Variants in UST observed in about 807,000 individuals in gnomAD.
UST encodes the protein uronyl 2-sulfotransferase.
In UST, 21 loss-of-function variants were observed where a neutral mutation model predicts 45.6. The ratio of observed to expected loss-of-function variants is 0.46; its 90% confidence interval spans 0.33 to 0.66. The LOEUF (loss-of-function observed/expected upper bound fraction) is 0.66, where lower values mean the gene tolerates loss of function less well. Ranked by LOEUF, UST falls within the 30% of genes least tolerant of loss-of-function variation. The pLI, the probability that UST is intolerant of heterozygous loss-of-function variation, is 0.02. For missense variants in UST, 463 were observed against 512.4 expected (o/e 0.90, Z 0.93); for synonymous variants, 215 against 200.6 (o/e 1.07, Z -0.61).
intron 5 of UST, among the ~76,000 whole-genome samples, chr6:148,969,965 C>T (rs1481492576): frequency 6.6e-6 from 1 of 152,238 alleles, no homozygotes; most frequent in Non-Finnish European, 1.5e-5. Flanking sequence ...CACGCGCACT[C>T]TCCCTCTCCG....
At chr6:148,804,111 G>A (rs1027568488) in intron 1 of UST, among the ~76,000 whole-genome samples, 1 of 152,216 alleles carries the variant, frequency 6.6e-6, no homozygotes, top group Non-Finnish European at 1.5e-5. Flanking sequence ...TGCAGGAACT[G>A]AAGACAGGGC....
chr6:149,056,828 G>A (rs1221992023), intron 7 of UST, among the ~76,000 whole-genome samples: 4 of 152,140 alleles, frequency 2.6e-5, no homozygotes, highest in African/African-American at 9.7e-5. Flanking sequence ...TTCCTGACTT[G>A]GGAATGGTTA....
chr6:149,073,741 A>G, intron 7 of UST, 92 bp from the exon 8 acceptor site: 1 of 1,470,244 alleles, frequency 6.8e-7, no homozygotes, highest in Non-Finnish European at 9.2e-7. Context: ...CTTAGGTGCT[A>G]CCAGAGTTGT....
chr6:148,816,298 C>T (rs779432459), intron 1 of UST, among the ~76,000 whole-genome samples: 1 of 152,142 alleles, frequency 6.6e-6, no homozygotes, highest in Non-Finnish European at 1.5e-5. Context: ...CAGCTGATAT[C>T]AACATGATCA....
chr6:148,806,900 C>T (rs767964901), intron 1 of UST, among the ~76,000 whole-genome samples: 7 of 152,176 alleles, frequency 4.6e-5, no homozygotes, highest in Admixed American at 2.0e-4. Context: ...CCCACTATGG[C>T]GGCATTAACC....
chr6:148,883,650 T>C (rs1778862468), intron 1 of UST, among the ~76,000 whole-genome samples: 1 of 152,220 alleles, frequency 6.6e-6, no homozygotes, highest in African/African-American at 2.4e-5. Flanking sequence ...GATACCATCA[T>C]TCTCTTCATT....
At chr6:148,807,196 G>C (rs1204918191) in intron 1 of UST, among the ~76,000 whole-genome samples, 1 of 152,168 alleles carries the variant, frequency 6.6e-6, no homozygotes, top group Non-Finnish European at 1.5e-5. Flanking sequence ...TCCTCCATTA[G>C]CTGCAGAGAG....
At chr6:148,962,365 T>G (rs1174196307) in intron 4 of UST, among the ~76,000 whole-genome samples, 1 of 152,258 alleles carries the variant, frequency 6.6e-6, no homozygotes, top group Non-Finnish European at 1.5e-5. Context: ...TGGGCATTTC[T>G]GCTAACTAGC....
intron 1 of UST, among the ~76,000 whole-genome samples, chr6:148,786,092 C>CT (rs879766513): frequency 1.5e-3 from 222 of 145,568 alleles, no homozygotes; most frequent in Middle Eastern, 7.1e-3. Context: ...CATGACAGAT[C>CT]TTTTTTTTTT....
intron 1 of UST, among the ~76,000 whole-genome samples, chr6:148,827,113 G>A (rs1179187565): frequency 7.2e-5 from 11 of 152,348 alleles, no homozygotes. Flanking sequence ...TGCAGAAGAT[G>A]CTTGTTGTTC....
rs1050671196 is a variant in UST at position 148,790,159 on chromosome 6, T to C, written c.247+42482T>C. Among the ~76,000 whole-genome samples the C allele has an allele frequency of 3.3e-5, 5 of 152,166 alleles. No individual in the cohort carries two copies. The highest frequency in any genetic ancestry group is 3.2e-3 in the Middle Eastern group (1 of 316). ...CTTCCTGTAGCTCGTTCCCTGACAG[T>C]GTTCATGTAGCGTCTCCTCCTAAGG... On this transcript the variant is annotated intron_variant, in intron 1 of 7. Transcript: ENST00000367463. This position sits in a 1 kb window ranked among gnomAD's most constrained non-coding sequence, Gnocchi z 4.2.
intron 1 of UST, among the ~76,000 whole-genome samples, chr6:148,830,542 A>G (rs1043781266): frequency 6.6e-6 from 1 of 152,222 alleles, no homozygotes; most frequent in African/African-American, 2.4e-5. Flanking sequence ...GCCCTTGATC[A>G]TAGAACTATG....
At chr6:148,995,966 C>A (rs988850359) in intron 5 of UST, among the ~76,000 whole-genome samples, 3 of 152,188 alleles carry the variant, frequency 2.0e-5, no homozygotes, top group African/African-American at 7.2e-5. Context: ...GCTCTGGAGC[C>A]TGTATTCAGC....
intron 4 of UST, 79 bp downstream of exon 4, chr6:148,954,030 A>C: frequency 8.4e-7 from 1 of 1,189,008 alleles, no homozygotes; most frequent in South Asian, 1.5e-5. Context: ...TTTATTTACA[A>C]GGCAGTGCAA....
intron 1 of UST, among the ~76,000 whole-genome samples, chr6:148,822,897 A>T (rs1481284970): frequency 6.6e-6 from 1 of 152,258 alleles, no homozygotes; most frequent in Non-Finnish European, 1.5e-5. Context: ...TTTTATTAAT[A>T]AATTAAATAA....
intron 1 of UST, among the ~76,000 whole-genome samples, chr6:148,871,145 T>TCTCTCTCTCTCTCTCTCTCTCTCC (rs1032229926): frequency 2.2e-5 from 3 of 135,108 alleles, no homozygotes; most frequent in Admixed American, 7.5e-5. Context: ...TCTCTCTCTC[T>TCTCTCTCTCTCTCTCTCTCTCTCC]CCCTCTCTCC....
intron 4 of UST, among the ~76,000 whole-genome samples, chr6:148,957,651 C>T (rs1780545092): frequency 6.6e-6 from 1 of 152,178 alleles, no homozygotes; most frequent in African/African-American, 2.4e-5. Context: ...CCAGGCTGGC[C>T]TCAAAACTCA....
chr6:148,750,326 C>CT lies in UST; in HGVS notation c.247+2650dup, dbSNP rs1266753709. Among the ~76,000 whole-genome samples, 6 of 152,258 alleles carry CT rather than the reference C, an allele frequency of 3.9e-5. No homozygotes were observed. In the East Asian group the frequency reaches 1.2e-3, roughly 29 times the overall value. On this transcript the variant is annotated intron_variant, in intron 1 of 7. Coordinates refer to ENST00000367463, the MANE Select transcript of UST (RefSeq NM_005715.3). ...AACAGGTAGTGTGATATTTAACGTA[C>CT]TGAATATTCTCATAGGAAAGCCAAG...
intron 7 of UST, among the ~76,000 whole-genome samples, chr6:149,072,046 T>C (rs1776826679): frequency 6.6e-6 from 1 of 152,072 alleles, no homozygotes; most frequent in Non-Finnish European, 1.5e-5. Context: ...GGGAGGAAAA[T>C]AACAATCGTA....
Sources: allele counts gnomAD v4.1 joint callset (sites outside exome capture counted in the v4.1 genomes callset), GRCh38; gene constraint gnomAD v4.1.1; non-coding constraint Gnocchi (gnomAD v3.1); transcripts MANE v1.5; gene names NCBI Gene and HGNC (gene_info 2026-07-23, HGNC 2026-07-21).